Variants in ERG observed in about 807,000 individuals in gnomAD.
ERG encodes the protein ETS transcription factor ERG.
A neutral mutation model predicts 55.3 loss-of-function variants in ERG; 9 were observed. That is an observed-to-expected ratio of 0.16 (90% CI 0.10 to 0.28). The LOEUF (loss-of-function observed/expected upper bound fraction) is 0.28, where lower values mean the gene tolerates loss of function less well. Ranked by LOEUF, ERG falls within the 10% of genes least tolerant of loss-of-function variation. The pLI, the probability that ERG is intolerant of heterozygous loss-of-function variation, is 1.00. For synonymous variants in ERG, 223 were observed against 237.3 expected (o/e 0.94, Z 0.55); for missense variants, 434 against 631.6 (o/e 0.69, Z 3.35).
At chr21:38,487,626 C>G (rs2146667016) in intron 1 of ERG, among the ~76,000 whole-genome samples, 1 of 152,262 alleles carries the variant, frequency 6.6e-6, no homozygotes, top group Admixed American at 6.5e-5. Flanking sequence ...CTCAGGAGAT[C>G]AGGGAAGTCA....
At chr21:38,397,720 A>G (rs1988298064) in intron 6 of ERG, among the ~76,000 whole-genome samples, 1 of 151,914 alleles carries the variant, frequency 6.6e-6, no homozygotes, top group South Asian at 2.1e-4. Flanking sequence ...GTGGTGAGGA[A>G]GTGCTGGGAA....
chr21:38,579,217 C>T (rs755230836), intron 1 of ERG, among the ~76,000 whole-genome samples: 3 of 152,188 alleles, frequency 2.0e-5, no homozygotes, highest in African/African-American at 7.2e-5. Flanking sequence ...ATAGAAGTTA[C>T]AGCAGCCACT....
chr21:38,549,321 C>A (rs1347539579), intron 2 of ERG, among the ~76,000 whole-genome samples: 1 of 152,068 alleles, frequency 6.6e-6, no homozygotes, highest in Non-Finnish European at 1.5e-5. Context: ...AGAATAAGGA[C>A]CCCAAACTAT....
At chr21:38,447,780 G>A (rs1190524585) in intron 1 of ERG, among the ~76,000 whole-genome samples, 2 of 152,070 alleles carry the variant, frequency 1.3e-5, no homozygotes, top group African/African-American at 2.4e-5. Context: ...GATGGCTGCT[G>A]CCTCTCTCCT....
rs17285217 is a variant in ERG at position 38,490,773 on chromosome 21, C to T, written c.18+7590G>A. ...GTCCTGCAGCATCAAACTAAAGCTC[C>T]GGGCCACCCTCTCCCAGATGGGCCT... is the stretch of plus-strand genomic sequence containing the variant. On this transcript the variant is annotated intron_variant, in intron 1 of 9. Transcript: ENST00000288319. Among the ~76,000 whole-genome samples the T allele has an allele frequency of 0.01, 1,537 of 152,280 alleles. 41 individuals carry two copies. In the East Asian group the frequency reaches 0.11, roughly 11 times the overall value.
At chr21:38,505,047 T>G (rs2059449792) in intron 2 of ERG, among the ~76,000 whole-genome samples, 1 of 152,240 alleles carries the variant, frequency 6.6e-6, no homozygotes, top group Admixed American at 6.5e-5. Flanking sequence ...TTTCTAAAGT[T>G]GGCTTTTAGT....
chr21:38,570,253 A>C (rs995706414), intron 2 of ERG, among the ~76,000 whole-genome samples: 1 of 152,130 alleles, frequency 6.6e-6, no homozygotes, highest in Non-Finnish European at 1.5e-5. Flanking sequence ...CTTATCCCCA[A>C]CCACTTCTCA....
intron 2 of ERG, among the ~76,000 whole-genome samples, chr21:38,540,337 A>G (rs1296427414): frequency 6.6e-6 from 1 of 152,182 alleles, no homozygotes; most frequent in Non-Finnish European, 1.5e-5. Context: ...AGTTCCAAAC[A>G]TTTTTGTCAC....
At chr21:38,513,497 A>T (rs975868434) in intron 2 of ERG, among the ~76,000 whole-genome samples, 3 of 152,340 alleles carry the variant, frequency 2.0e-5, no homozygotes, top group Admixed American at 1.3e-4. Context: ...TTTGTTGCCA[A>T]TTCATTTTGG....
intron 2 of ERG, among the ~76,000 whole-genome samples, chr21:38,525,959 A>AT (rs1478049313): frequency 6.6e-6 from 1 of 152,240 alleles, no homozygotes; most frequent in Non-Finnish European, 1.5e-5. Context: ...CCGTTTAAAA[A>AT]AAATAATAAT....
intron 2 of ERG, among the ~76,000 whole-genome samples, chr21:38,547,018 G>A (rs975794437): frequency 3.3e-5 from 5 of 152,186 alleles, no homozygotes; most frequent in African/African-American, 1.2e-4. Flanking sequence ...CAGACAGTCT[G>A]CCTGTCTGTA....
chr21:38,514,918 T>C (rs1337456584), intron 2 of ERG, among the ~76,000 whole-genome samples: 2 of 151,994 alleles, frequency 1.3e-5, no homozygotes, highest in Non-Finnish European at 2.9e-5. Flanking sequence ...AAGGTCAATA[T>C]AGAATTTTAG....
intron 3 of ERG, among the ~76,000 whole-genome samples, chr21:38,411,122 A>G (rs1022194656): frequency 6.6e-6 from 1 of 152,150 alleles, no homozygotes; most frequent in African/African-American, 2.4e-5. Flanking sequence ...AATAGAGAGA[A>G]CTGGCTTAAA....
At chr21:38,549,384 T>C (rs969936508) in intron 2 of ERG, among the ~76,000 whole-genome samples, 1 of 152,112 alleles carries the variant, frequency 6.6e-6, no homozygotes, top group Non-Finnish European at 1.5e-5. Flanking sequence ...CAGGGAGAGA[T>C]CTAAACAGCT....
At chr21:38,504,426 G>A (rs2059444944) in intron 2 of ERG, among the ~76,000 whole-genome samples, 1 of 152,170 alleles carries the variant, frequency 6.6e-6, no homozygotes, top group Admixed American at 6.5e-5. Context: ...ATAGGTCAAT[G>A]TATTATCTGT....
chr21:38,574,792 G>A (rs373913596), intron 2 of ERG, among the ~76,000 whole-genome samples: 2 of 152,216 alleles, frequency 1.3e-5, no homozygotes, highest in East Asian at 3.8e-4. Flanking sequence ...TAGGGAAAAT[G>A]AATTAGTATG....
the ERG span, among the ~76,000 whole-genome samples, chr21:38,368,628 T>G: frequency 2.0e-5 from 3 of 152,100 alleles, no homozygotes; most frequent in Non-Finnish European, 4.4e-5. Flanking sequence ...TTAACTTTAA[T>G]TTTGAGTTCA....
chr21:38,474,100 G>GT (rs2059165455), intron 1 of ERG: 1 of 152,136 alleles, frequency 6.6e-6, no homozygotes, highest in Non-Finnish European at 1.5e-5. Flanking sequence ...CTTGTCAACT[G>GT]TGCATCATCA....
chr21:38,489,251 C>T (rs1281970228), intron 1 of ERG, among the ~76,000 whole-genome samples: 2 of 152,186 alleles, frequency 1.3e-5, no homozygotes, highest in East Asian at 1.9e-4. Context: ...AAAATGTATA[C>T]ATGTGCTTAT....
Sources: gnomAD v4.1 joint callset for allele counts (sites outside exome capture counted in the v4.1 genomes callset) on GRCh38, gnomAD v4.1.1 for gene constraint, MANE v1.5 for transcripts, NCBI Gene and HGNC (gene_info 2026-07-23, HGNC 2026-07-21) for gene names.